Variants in LINGO1 observed in about 807,000 individuals in gnomAD.
LINGO1 encodes leucine rich repeat and Ig domain containing 1.
Under a neutral mutation model 37.3 loss-of-function variants are expected in LINGO1, and 11 were observed. The ratio of observed to expected loss-of-function variants is 0.29; its 90% CI spans 0.19 to 0.49. LINGO1 has a LOEUF of 0.49. Ranked by LOEUF, LINGO1 falls within the 20% of genes least tolerant of loss-of-function variation. LINGO1 has a pLI of 0.99. For missense variants in LINGO1, 585 were observed against 878.2 expected (o/e 0.67, Z 4.22); for synonymous variants, 387 against 403.0 (o/e 0.96, Z 0.48).
chr15:77,639,167 T>C (rs564546308), upstream of LINGO1, among the ~76,000 whole-genome samples: 2 of 152,198 alleles, frequency 1.3e-5, no homozygotes, highest in East Asian at 3.9e-4. Flanking sequence ...CTCCGGCTGA[T>C]GTCTAGATGG....
intron 3 of LINGO1, among the ~76,000 whole-genome samples, chr15:77,666,507 G>A (rs2141189366): frequency 6.6e-6 from 1 of 152,308 alleles, no homozygotes; most frequent in East Asian, 1.9e-4. Context: ...CTGCCCTGGG[G>A]AGCACACAGG....
At chr15:77,765,112 T>C (rs1268051648) in intron 1 of LINGO1, among the ~76,000 whole-genome samples, 1 of 152,130 alleles carries the variant, frequency 6.6e-6, no homozygotes, top group Non-Finnish European at 1.5e-5. Context: ...CGGTGATTTG[T>C]CTGGCAGAAC....
intron 3 of LINGO1, chr15:77,660,203 G>A (rs1322257439): frequency 6.6e-6 from 1 of 152,192 alleles, no homozygotes; most frequent in Non-Finnish European, 1.5e-5. Context: ...CTTAGAAATG[G>A]GCCCTCGGGC....
rs78178320 is a variant in LINGO1 at position 77,708,487 on chromosome 15, T to C, written c.-194-17586A>G. On this transcript the variant is annotated intron_variant, in intron 2 of 3. Transcript: ENST00000561686. ...GTTGAATAGTGTCCCCCCAAATTCA[T>C]GTCCATCTGGAACCTCAGAATGTGA... is the stretch of plus-strand genomic sequence containing the variant. 5.3e-3 allele frequency among the ~76,000 whole-genome samples: 813 copies of C among 152,324 alleles called. 13 individuals are homozygous for C. Among genetic ancestry groups the C allele is most frequent in the African/African-American group, 0.018 (755 of 41,568 alleles).
intron 3 of LINGO1, among the ~76,000 whole-genome samples, chr15:77,649,657 T>C (rs2074714451): frequency 6.6e-6 from 1 of 151,966 alleles, no homozygotes; most frequent in African/African-American, 2.4e-5. Flanking sequence ...CTAGGGGTAC[T>C]GGGGAAGGTT....
intron 1 of LINGO1, among the ~76,000 whole-genome samples, chr15:77,778,875 C>T (rs1246680516): frequency 6.6e-6 from 1 of 152,178 alleles, no homozygotes; most frequent in Non-Finnish European, 1.5e-5. Flanking sequence ...TCCAGTCTCA[C>T]TCAGAGCAAA....
chr15:77,642,401 G>A (rs1250186222), intron 3 of LINGO1, among the ~76,000 whole-genome samples: 1 of 152,230 alleles, frequency 6.6e-6, no homozygotes, highest in Non-Finnish European at 1.5e-5. Context: ...AGGGAGAAAG[G>A]AGGATAGAAA....
At chr15:77,626,203 TTCTC>T (rs2074085257) in intron 1 of LINGO1, among the ~76,000 whole-genome samples, 1 of 152,138 alleles carries the variant, frequency 6.6e-6, no homozygotes, top group African/African-American at 2.4e-5. Context: ...CGCGGCCACT[TTCTC>T]TCCCCAACAT....
intron 2 of LINGO1, among the ~76,000 whole-genome samples, chr15:77,721,904 C>T (rs1447854706): frequency 6.6e-6 from 1 of 151,842 alleles, no homozygotes; most frequent in Non-Finnish European, 1.5e-5. Flanking sequence ...CAACCTCTAA[C>T]ATGACCCCCC....
intron 3 of LINGO1, chr15:77,648,804 C>T (rs1363086454): frequency 6.6e-6 from 1 of 152,332 alleles, no homozygotes; most frequent in African/African-American, 2.4e-5. Flanking sequence ...GTGCACCCTG[C>T]TCTCCAGGGC....
intron 1 of LINGO1, among the ~76,000 whole-genome samples, chr15:77,764,782 A>G (rs1280089719): frequency 6.6e-6 from 1 of 152,212 alleles, no homozygotes; most frequent in African/African-American, 2.4e-5. Flanking sequence ...CTGAAGATAC[A>G]TGTATCCTAC....
At chr15:77,647,520 G>A (rs1175915944) in intron 3 of LINGO1, among the ~76,000 whole-genome samples, 2 of 152,210 alleles carry the variant, frequency 1.3e-5, no homozygotes, top group African/African-American at 2.4e-5. Flanking sequence ...GGAATGGCAG[G>A]TGTGAGTGTA....
intron 3 of LINGO1, among the ~76,000 whole-genome samples, chr15:77,659,717 G>A (rs1264389562): frequency 6.6e-6 from 1 of 152,196 alleles, no homozygotes; most frequent in African/African-American, 2.4e-5. Flanking sequence ...TCATTACCAT[G>A]GGGGGCTGGA....
At chr15:77,767,640 C>T (rs1237074126) in intron 1 of LINGO1, among the ~76,000 whole-genome samples, 1 of 152,120 alleles carries the variant, frequency 6.6e-6, no homozygotes, top group Admixed American at 6.5e-5. Context: ...AGAATTTCTT[C>T]AAGAAGGTAA....
intron 1 of LINGO1, among the ~76,000 whole-genome samples, chr15:77,616,661 C>CAAA (rs1567453115): frequency 4.6e-5 from 7 of 152,194 alleles, no homozygotes; most frequent in Admixed American, 3.9e-4. Context: ...GCCTGGACTC[C>CAAA]TGGTGGGATC....
intron 1 of LINGO1, among the ~76,000 whole-genome samples, chr15:77,758,154 G>A (rs2076439131): frequency 6.6e-6 from 1 of 152,196 alleles, no homozygotes; most frequent in African/African-American, 2.4e-5. Flanking sequence ...AAATGTGCAA[G>A]CCTGCATGGT....
intron 1 of LINGO1, among the ~76,000 whole-genome samples, chr15:77,619,667 A>G (rs1247986643): frequency 3.9e-5 from 6 of 152,110 alleles, no homozygotes; most frequent in African/African-American, 1.4e-4. Context: ...AGCCTGGGCA[A>G]CAGAGCAAGA....
chr15:77,774,967 A>C (rs1428850517), intron 1 of LINGO1, among the ~76,000 whole-genome samples: 1 of 152,138 alleles, frequency 6.6e-6, no homozygotes, highest in African/African-American at 2.4e-5. Flanking sequence ...CTAAATTCAC[A>C]CAGCAAGTCA....
chr15:77,625,084 C>G (rs1295893077), intron 1 of LINGO1, among the ~76,000 whole-genome samples: 2 of 152,150 alleles, frequency 1.3e-5, no homozygotes, highest in African/African-American at 4.8e-5. Flanking sequence ...CCGTCAGGGC[C>G]TCTCTATTTG....
Sources: allele counts gnomAD v4.1 joint callset (sites outside exome capture counted in the v4.1 genomes callset), GRCh38; gene constraint gnomAD v4.1.1; transcripts MANE v1.5; gene names NCBI Gene and HGNC (gene_info 2026-07-23, HGNC 2026-07-21).